The following TAFA2 variants were observed in gnomAD, a reference collection of about 807,000 sequenced individuals.
TAFA2 encodes the protein TAFA chemokine like family member 2, also known as chemokine-like protein TAFA-2.
In TAFA2, 7 loss-of-function variants were observed where a neutral mutation model predicts 18.8. That is an observed-to-expected ratio of 0.37 (90% confidence interval 0.21 to 0.70). The LOEUF (loss-of-function observed/expected upper bound fraction) is 0.70, where lower values mean the gene tolerates loss of function less well. TAFA2 is among the 30% of genes least tolerant of loss of function. The probability of loss-of-function intolerance (pLI) is 0.53; values close to 1 mark genes in which losing one functional copy is unlikely to be tolerated. For missense variants in TAFA2, 122 were observed against 158.1 expected, an observed-to-expected ratio of 0.77 and a Z score of 1.23; for synonymous variants, 60 against 54.2, an observed-to-expected ratio of 1.11 and a Z score of -0.47.
chr12:61,875,251 A>T (rs925312747), intron 1 of TAFA2, among the ~76,000 whole-genome samples: 7 of 152,190 alleles, frequency 4.6e-5, no homozygotes, highest in Middle Eastern at 3.4e-3. Context: ...TAGTTTGAGG[A>T]GGGTGCATCC....
intron 1 of TAFA2, among the ~76,000 whole-genome samples, chr12:62,095,951 A>T (rs972772862): frequency 2.6e-5 from 4 of 152,158 alleles, no homozygotes; most frequent in African/African-American, 9.7e-5. Context: ...ACTTCAGGAA[A>T]AAGAATGCTA....
intron 1 of TAFA2, among the ~76,000 whole-genome samples, chr12:62,189,329 A>C (rs2062606876): frequency 1.3e-5 from 2 of 152,192 alleles, no homozygotes; most frequent in African/African-American, 2.4e-5. Context: ...ATACAATCCA[A>C]CTTTTTTATT....
At chr12:62,018,873 C>G (rs1881025623) in intron 1 of TAFA2, among the ~76,000 whole-genome samples, 2 of 152,158 alleles carry the variant, frequency 1.3e-5, no homozygotes, top group African/African-American at 2.4e-5. Context: ...AAACTACCAT[C>G]AGAATGAACA....
At chr12:62,011,284 G>A (rs1260765476) in intron 1 of TAFA2, among the ~76,000 whole-genome samples, 2 of 152,136 alleles carry the variant, frequency 1.3e-5, no homozygotes, top group African/African-American at 4.8e-5. Flanking sequence ...CCATGATGAC[G>A]ATGGCGGTTT....
intron 4 of TAFA2, among the ~76,000 whole-genome samples, chr12:61,721,826 G>A (rs528699296): frequency 1.3e-5 from 2 of 151,962 alleles, no homozygotes; most frequent in South Asian, 4.2e-4. Flanking sequence ...GGGTGGTGGC[G>A]GTTGCCTGAT....
intron 1 of TAFA2, among the ~76,000 whole-genome samples, chr12:62,071,716 T>C (rs1319276161): frequency 1.3e-5 from 2 of 152,182 alleles, no homozygotes; most frequent in African/African-American, 4.8e-5. Context: ...CAATTTGAGA[T>C]AGCTTTTGAA....
At chr12:62,050,437 T>G (rs1812116) in intron 1 of TAFA2, among the ~76,000 whole-genome samples, 1 of 151,928 alleles carries the variant, frequency 6.6e-6, no homozygotes, top group Non-Finnish European at 1.5e-5. Context: ...CCGGGCGTGG[T>G]GGCAGGCACC....
intron 1 of TAFA2, among the ~76,000 whole-genome samples, chr12:61,986,144 C>A (rs1341471500): frequency 1.5e-5 from 2 of 135,044 alleles, no homozygotes; most frequent in Non-Finnish European, 3.1e-5. Context: ...TAGACATAGA[C>A]AATCTAAGCT....
At chr12:62,189,370 C>T (rs915818895) in intron 1 of TAFA2, among the ~76,000 whole-genome samples, 1 of 152,124 alleles carries the variant, frequency 6.6e-6, no homozygotes, top group Non-Finnish European at 1.5e-5. Flanking sequence ...TATTTATAAG[C>T]TCCAGTGTGG....
rs188642033 is a variant in TAFA2 at position 61,974,718 on chromosome 12, C to T, written c.-1-107292G>A. Among the ~76,000 whole-genome samples the T allele has an allele frequency of 1.2e-4, 18 of 151,894 alleles. 1 individual carries two copies. The highest frequency in any genetic ancestry group is 3.3e-4 in the Admixed American group (5 of 15,216). On this transcript the variant is annotated intron_variant, in intron 1 of 4. Coordinates refer to ENST00000416284, the MANE Select transcript of TAFA2 (RefSeq NM_178539.5). ...TCTCCACAGCACATGTGATTATAGACTCTCAGGGACACTACTATTTAAATT... is the reference window on the plus strand; with the variant it reads ...TCTCCACAGCACATGTGATTATAGATTCTCAGGGACACTACTATTTAAATT...
At position 61,802,274 on chromosome 12, in the gene TAFA2, A is replaced by C. The variant is rs530630590; in HGVS notation, c.107-47250T>G. ...TCTGTTGGGTATTCATCCAAAGGAAAGAAAATCAGTATATCAAAGAGATAT... is the reference window on the plus strand; with the variant it reads ...TCTGTTGGGTATTCATCCAAAGGAACGAAAATCAGTATATCAAAGAGATAT... On this transcript the variant is annotated intron_variant, in intron 2 of 4. Transcript: ENST00000416284. 1.3e-4 allele frequency among the ~76,000 whole-genome samples: 20 copies of C among 152,180 alleles called. No homozygotes were observed. In the East Asian group the frequency reaches 3.7e-3, roughly 28 times the overall value.
intron 1 of TAFA2, among the ~76,000 whole-genome samples, chr12:62,150,076 G>A (rs980829820): frequency 6.6e-6 from 1 of 152,160 alleles, no homozygotes; most frequent in Non-Finnish European, 1.5e-5. Context: ...CAGGGGATGG[G>A]GCAGGGGTAC....
chr12:62,021,017 C>T (rs1881111817), intron 1 of TAFA2, among the ~76,000 whole-genome samples: 1 of 152,140 alleles, frequency 6.6e-6, no homozygotes, highest in Non-Finnish European at 1.5e-5. Context: ...GATATGGTAG[C>T]AGAGATAAGT....
At chr12:62,087,410 G>T (rs1403502913) in intron 1 of TAFA2, among the ~76,000 whole-genome samples, 1 of 152,042 alleles carries the variant, frequency 6.6e-6, no homozygotes, top group African/African-American at 2.4e-5. Context: ...GAAGAAGCCC[G>T]AAAACTACAT....
At chr12:62,068,888 G>T (rs757126880) in intron 1 of TAFA2, among the ~76,000 whole-genome samples, 38 of 152,076 alleles carry the variant, frequency 2.5e-4, no homozygotes, top group Non-Finnish European at 2.4e-4. Context: ...CTAACTGAAT[G>T]CATCAGTGTT....
At chr12:62,244,857 CT>C (rs2062877807) in intron 1 of TAFA2, among the ~76,000 whole-genome samples, 1 of 152,076 alleles carries the variant, frequency 6.6e-6, no homozygotes, top group South Asian at 2.1e-4. Context: ...TTCAGGTCTC[CT>C]TTTTGGTAAA....
chr12:61,902,906 A>G (rs1250098212), intron 1 of TAFA2, among the ~76,000 whole-genome samples: 1 of 102,170 alleles, frequency 9.8e-6, no homozygotes, highest in Non-Finnish European at 1.9e-5. Context: ...CCAAAAATTT[A>G]TAAGTCACCT....
At chr12:62,035,089 C>T (rs889822834) in intron 1 of TAFA2, among the ~76,000 whole-genome samples, 3 of 152,060 alleles carry the variant, frequency 2.0e-5, no homozygotes, top group African/African-American at 4.8e-5. Flanking sequence ...CAAATAAATG[C>T]CTTATCAATT....
intron 1 of TAFA2, among the ~76,000 whole-genome samples, chr12:61,907,275 T>C (rs1219732465): frequency 6.6e-6 from 1 of 152,206 alleles, no homozygotes; most frequent in African/African-American, 2.4e-5. Flanking sequence ...TTCTGTGGGC[T>C]GGGCCCAGTG....
Sources: allele counts gnomAD v4.1 joint callset (sites outside exome capture counted in the v4.1 genomes callset), GRCh38; gene constraint gnomAD v4.1.1; transcripts MANE v1.5; gene names NCBI Gene and HGNC (gene_info 2026-07-23, HGNC 2026-07-21).